Variants in OR2L13 observed in about 807,000 individuals in gnomAD.
OR2L13 encodes the protein olfactory receptor family 2 subfamily L member 13, also known as olfactory receptor 2L13.
Under a neutral mutation model 15.3 loss-of-function variants are expected in OR2L13, and 14 were observed. That is an observed-to-expected ratio of 0.91 (90% CI 0.60 to 1.43). The LOEUF (loss-of-function observed/expected upper bound fraction) is 1.43, where lower values mean the gene tolerates loss of function less well. Among genes scored for constraint, OR2L13 ranks in the 40% most tolerant of loss-of-function variants. The pLI is 0.00. For synonymous variants in OR2L13, 152 were observed against 142.9 expected, an observed-to-expected ratio of 1.06 and a Z score of -0.45; for missense variants, 367 against 387.9, an observed-to-expected ratio of 0.95 and a Z score of 0.45.
the OR2L13 span, among the ~76,000 whole-genome samples, chr1:247,978,371 C>A: frequency 6.6e-6 from 1 of 152,200 alleles, no homozygotes; most frequent in Non-Finnish European, 1.5e-5. Flanking sequence ...CCCTTGGTCT[C>A]CCCATAGGTG....
the OR2L13 span, among the ~76,000 whole-genome samples, chr1:248,033,426 C>A: frequency 6.6e-6 from 1 of 151,198 alleles, no homozygotes; most frequent in Non-Finnish European, 1.5e-5. Context: ...TTTTCTATTT[C>A]TTCTTCTTCT....
At chr1:248,080,114 G>A in the OR2L13 span, among the ~76,000 whole-genome samples, 5 of 151,940 alleles carry the variant, frequency 3.3e-5, no homozygotes, top group South Asian at 2.1e-4. Flanking sequence ...GATGATCTTT[G>A]TTGTAGTTAC....
chr1:248,023,981 C>T, the OR2L13 span: 1 of 152,078 alleles, frequency 6.6e-6, no homozygotes, highest in Non-Finnish European at 1.5e-5. Flanking sequence ...AACTATTTAT[C>T]TGAAGAATAA....
At chr1:248,061,576 G>A in the OR2L13 span, 6 of 1,613,322 alleles carry the variant, frequency 3.7e-6, no homozygotes, top group East Asian at 1.3e-4. Context: ...GGTGATGGGG[G>A]CCCTGACACG....
the OR2L13 span, among the ~76,000 whole-genome samples, chr1:248,050,057 G>A: frequency 6.6e-6 from 1 of 152,110 alleles, no homozygotes; most frequent in Non-Finnish European, 1.5e-5. Flanking sequence ...ATCACGGAAC[G>A]AATCCTGTGA....
chr1:247,968,234 T>G, the OR2L13 span, among the ~76,000 whole-genome samples: 1 of 151,988 alleles, frequency 6.6e-6, no homozygotes, highest in South Asian at 2.1e-4. Context: ...TGTCAGAGAG[T>G]TTATGTAACT....
At chr1:248,056,635 T>C in the OR2L13 span, among the ~76,000 whole-genome samples, 1 of 151,518 alleles carries the variant, frequency 6.6e-6, no homozygotes, top group African/African-American at 2.4e-5. Flanking sequence ...AGGAGCAGGT[T>C]GTTCTATTTC....
chr1:248,034,530 A>G, the OR2L13 span, among the ~76,000 whole-genome samples: 1 of 152,208 alleles, frequency 6.6e-6, no homozygotes, highest in African/African-American at 2.4e-5. Flanking sequence ...TAGAATTTTC[A>G]TAGATTCCAT....
the OR2L13 span, among the ~76,000 whole-genome samples, chr1:248,009,937 C>T: frequency 3.9e-5 from 6 of 152,106 alleles, no homozygotes; most frequent in African/African-American, 1.4e-4. Context: ...TCAATAGATG[C>T]GGAAAAGACC....
chr1:247,951,585 A>G, the OR2L13 span, among the ~76,000 whole-genome samples: 2 of 152,154 alleles, frequency 1.3e-5, no homozygotes, highest in Admixed American at 6.5e-5. Context: ...TTGTTTTGCA[A>G]TGTTGTTGCA....
chr1:248,088,090 T>A, the OR2L13 span, among the ~76,000 whole-genome samples: 1 of 152,186 alleles, frequency 6.6e-6, no homozygotes, highest in African/African-American at 2.4e-5. Context: ...AATATAGCAA[T>A]GTAAACAATG....
At chr1:248,072,493 C>T in the OR2L13 span, among the ~76,000 whole-genome samples, 2 of 152,100 alleles carry the variant, frequency 1.3e-5, no homozygotes, top group South Asian at 2.1e-4. Context: ...GGATTAAAGA[C>T]TTAAACGTTA....
chr1:248,086,570 G>GT, the OR2L13 span, among the ~76,000 whole-genome samples: 2 of 151,838 alleles, frequency 1.3e-5, no homozygotes, highest in Non-Finnish European at 1.5e-5. Context: ...CAGCTTGATT[G>GT]TTTTTACTAA....
At chr1:247,937,828 A>C in the OR2L13 span, among the ~76,000 whole-genome samples, 1 of 152,242 alleles carries the variant, frequency 6.6e-6, no homozygotes, top group African/African-American at 2.4e-5. Context: ...TGCCAACTAA[A>C]TGTTTTATAC....
the OR2L13 span, chr1:247,965,814 A>G: frequency 1.4e-4 from 232 of 1,610,436 alleles, no homozygotes; most frequent in Middle Eastern, 3.3e-4. Flanking sequence ...TCATGGTTGC[A>G]TGTGCATGGG....
the OR2L13 span, chr1:248,045,978 A>C: frequency 2.6e-5 from 4 of 152,186 alleles, no homozygotes; most frequent in Admixed American, 6.5e-5. Context: ...ATGTTTAAAA[A>C]ATTCAAATAT....
chr1:248,088,830 T>C, the OR2L13 span, among the ~76,000 whole-genome samples: 8 of 152,300 alleles, frequency 5.3e-5, no homozygotes, highest in African/African-American at 1.9e-4. Context: ...CTTCTGTCCA[T>C]GCCATATTAG....
chr1:248,051,242 G>T, the OR2L13 span: 2 of 152,126 alleles, frequency 1.3e-5, no homozygotes, highest in African/African-American at 4.8e-5. Flanking sequence ...GGTACTTCAT[G>T]TAAGTGAATT....
the OR2L13 span, among the ~76,000 whole-genome samples, chr1:248,018,152 C>CAAAAAAA: frequency 5.0e-5 from 7 of 139,952 alleles, no homozygotes; most frequent in African/African-American, 2.1e-4. Flanking sequence ...GACTCCATCT[C>CAAAAAAA]AAAAAAATAA....
Sources: gnomAD v4.1 joint callset for allele counts (sites outside exome capture counted in the v4.1 genomes callset) on GRCh38, gnomAD v4.1.1 for gene constraint, MANE v1.5 for transcripts, NCBI Gene and HGNC (gene_info 2026-07-23, HGNC 2026-07-21) for gene names.